The following OMA1 variants were observed in gnomAD, a reference collection of about 807,000 sequenced individuals.
OMA1 encodes metalloendopeptidase OMA1, mitochondrial.
A neutral mutation model predicts 30.9 loss-of-function variants in OMA1; 38 were observed. That is an observed-to-expected ratio of 1.23 (90% CI 0.95 to 1.61). OMA1 has a LOEUF of 1.61. OMA1 is among the 40% of genes most tolerant of loss of function. The pLI, the probability that OMA1 is intolerant of heterozygous loss-of-function variation, is 0.00. For missense variants in OMA1, 461 were observed against 349.2 expected (o/e 1.32, Z -2.55); for synonymous variants, 173 against 121.9 (o/e 1.42, Z -2.76).
At chr1:58,533,385 A>G (rs2100480304) in intron 5 of OMA1, among the ~76,000 whole-genome samples, 1 of 152,358 alleles carries the variant, frequency 6.6e-6, no homozygotes, top group East Asian at 1.9e-4. Flanking sequence ...TATATAAAAT[A>G]GTAATAATAA....
At position 58,480,920 on chromosome 1, in the gene OMA1, G is replaced by A. The variant is rs868722549; in HGVS notation, c.*45C>T. Reference sequence around the variant, plus strand: ...TTTAAAAAGTAACATAAAATGATAAGGACTGCAACATTCTTCATATATCTT... The same window carrying A: ...TTTAAAAAGTAACATAAAATGATAAAGACTGCAACATTCTTCATATATCTT... On this transcript the variant is annotated 3_prime_UTR_variant, in exon 9 of 9. Coordinates refer to ENST00000371226, the MANE Select transcript of OMA1 (RefSeq NM_145243.5). 3.7e-6 allele frequency: 3 copies of A among 810,448 alleles called. No homozygotes were observed. The highest frequency in any genetic ancestry group is 4.9e-5 in the East Asian group (2 of 40,478). 50.2% of individuals were successfully genotyped at this position (810,448 alleles called of 1,614,324 possible).
At chr1:58,504,300 C>T (rs941426814) in intron 8 of OMA1, among the ~76,000 whole-genome samples, 1 of 152,188 alleles carries the variant, frequency 6.6e-6, no homozygotes, top group Non-Finnish European at 1.5e-5. Context: ...GTCTTCCTTG[C>T]TATTCCTTGA....
At chr1:58,521,924 C>T (rs1299599792) in intron 7 of OMA1, among the ~76,000 whole-genome samples, 2 of 152,174 alleles carry the variant, frequency 1.3e-5, no homozygotes, top group African/African-American at 2.4e-5. Context: ...GCCAGCATAA[C>T]TTTGATTCCA....
intron 1 of OMA1, among the ~76,000 whole-genome samples, chr1:58,543,402 A>G (rs1646651787): frequency 6.6e-6 from 1 of 152,216 alleles, no homozygotes; most frequent in South Asian, 2.1e-4. Flanking sequence ...CAGCAACTTT[A>G]GCATCCAAAA....
intron 8 of OMA1, among the ~76,000 whole-genome samples, chr1:58,499,488 A>C (rs1645864900): frequency 6.7e-6 from 1 of 148,946 alleles, no homozygotes; most frequent in Non-Finnish European, 1.5e-5. Flanking sequence ...ATAGATAGAT[A>C]GATAGATAGA....
At chr1:58,492,900 TCCCTAACTCATTTTATGAGG>T in intron 8 of OMA1, among the ~76,000 whole-genome samples, 1 of 152,262 alleles carries the variant, frequency 6.6e-6, no homozygotes, top group South Asian at 2.1e-4. Flanking sequence ...GAGAGAATCC[TCCCTAACTCATTTTATGAGG>T]CCAGCATCAT....
chr1:58,501,703 G>GC (rs1427219837), intron 8 of OMA1, among the ~76,000 whole-genome samples: 2 of 152,054 alleles, frequency 1.3e-5, no homozygotes, highest in Non-Finnish European at 2.9e-5. Flanking sequence ...TGCTATTCCT[G>GC]CACCCCTCCC....
intron 7 of OMA1, among the ~76,000 whole-genome samples, chr1:58,524,530 T>C (rs1646319552): frequency 6.6e-6 from 1 of 152,228 alleles, no homozygotes; most frequent in Admixed American, 6.5e-5. Context: ...GCATCTTCTA[T>C]ACAAGATAAA....
intron 7 of OMA1, 104 bp downstream of exon 7, chr1:58,527,157 T>C: frequency 1.3e-6 from 1 of 742,338 alleles, no homozygotes. Flanking sequence ...GCTAATACAG[T>C]CCAACTCTCA....
chr1:58,491,843 T>C (rs1272647067), intron 8 of OMA1, among the ~76,000 whole-genome samples: 1 of 152,192 alleles, frequency 6.6e-6, no homozygotes, highest in East Asian at 1.9e-4. Flanking sequence ...ACTGTTAACA[T>C]TAGACAGATC....
chr1:58,509,187 G>T (rs1646035081), intron 7 of OMA1, among the ~76,000 whole-genome samples: 1 of 151,994 alleles, frequency 6.6e-6, no homozygotes, highest in African/African-American at 2.4e-5. Flanking sequence ...ATGTACCAAA[G>T]GATGAAGATA....
At chr1:58,532,806 A>G (rs78325240) in intron 5 of OMA1, among the ~76,000 whole-genome samples, 17,701 of 152,258 alleles carry the variant, frequency 0.12, 1,227 homozygotes, top group African/African-American at 0.18. Flanking sequence ...GATTACAGGT[A>G]TAAGCCACTG....
intron 7 of OMA1, among the ~76,000 whole-genome samples, chr1:58,506,570 A>G (rs1645993948): frequency 6.6e-6 from 1 of 152,324 alleles, no homozygotes; most frequent in Non-Finnish European, 1.5e-5. Flanking sequence ...CCCATATACA[A>G]CATTCACAAT....
intron 8 of OMA1, among the ~76,000 whole-genome samples, chr1:58,495,232 A>C (rs1645777260): frequency 6.6e-6 from 1 of 152,152 alleles, no homozygotes; most frequent in South Asian, 2.1e-4. Context: ...GAACACATGG[A>C]CACAGGAAGG....
At chr1:58,526,048 T>C (rs1421580098) in intron 7 of OMA1, among the ~76,000 whole-genome samples, 3 of 152,072 alleles carry the variant, frequency 2.0e-5, no homozygotes, top group African/African-American at 4.8e-5. Context: ...ATTTTAAAAA[T>C]AGTAAAGTTT....
chr1:58,507,940 C>T (rs1349650022), intron 7 of OMA1, among the ~76,000 whole-genome samples: 1 of 152,106 alleles, frequency 6.6e-6, no homozygotes, highest in African/African-American at 2.4e-5. Context: ...GAATGGACTA[C>T]AAATTCACGA....
intron 8 of OMA1, among the ~76,000 whole-genome samples, chr1:58,494,111 C>T (rs1645750526): frequency 6.6e-6 from 1 of 152,132 alleles, no homozygotes; most frequent in Admixed American, 6.5e-5. Flanking sequence ...AGAAATAATG[C>T]CACATGTCTA....
intron 8 of OMA1, among the ~76,000 whole-genome samples, chr1:58,499,075 T>G (rs567969228): frequency 2.0e-5 from 3 of 152,072 alleles, no homozygotes; most frequent in Admixed American, 6.5e-5. Flanking sequence ...AATCCTACCA[T>G]TTGTAACAGT....
At chr1:58,515,271 C>G (rs1464834482) in intron 7 of OMA1, among the ~76,000 whole-genome samples, 3 of 152,168 alleles carry the variant, frequency 2.0e-5, no homozygotes, top group Non-Finnish European at 4.4e-5. Context: ...ATTTGCCAAT[C>G]CCTCACACCA....
Sources: gnomAD v4.1 joint callset for allele counts (sites outside exome capture counted in the v4.1 genomes callset) on GRCh38, gnomAD v4.1.1 for gene constraint, MANE v1.5 for transcripts, NCBI Gene and HGNC (gene_info 2026-07-23, HGNC 2026-07-21) for gene names.